The following SLIT3 variants were observed in gnomAD, a reference collection of about 807,000 sequenced individuals.
SLIT3 encodes slit guidance ligand 3.
In SLIT3, 68 loss-of-function variants were observed where a neutral mutation model predicts 184.0. The ratio of observed to expected loss-of-function variants is 0.37; its 90% CI spans 0.30 to 0.45. The LOEUF is 0.45. SLIT3 is among the 20% of genes least tolerant of loss of function. SLIT3 has a pLI of 1.00. For synonymous variants in SLIT3, 831 were observed against 828.6 expected, an observed-to-expected ratio of 1.00 and a Z score of -0.05; for missense variants, 1,707 against 2,026.0, an observed-to-expected ratio of 0.84 and a Z score of 3.02.
intron 5 of SLIT3, among the ~76,000 whole-genome samples, chr5:168,857,008 G>T (rs1008065859): frequency 5.3e-5 from 8 of 151,958 alleles, no homozygotes; most frequent in African/African-American, 1.9e-4. Flanking sequence ...AAAATGGTGA[G>T]TAGTTTTCCT....
At chr5:169,225,687 T>C (rs1764781963) in intron 3 of SLIT3, among the ~76,000 whole-genome samples, 1 of 151,884 alleles carries the variant, frequency 6.6e-6, no homozygotes, top group Non-Finnish European at 1.5e-5. Flanking sequence ...GAAAAATGAA[T>C]GGCAGTTGCC....
In SLIT3 at chr5:169,277,227, C is replaced by CT. The variant is rs1766839582; in HGVS notation, c.197+23285dup. ...GCATAATCTCTCTTTTCTTTTCTTT[C>CT]TTTTTTCTTTTCTTCTTTTTTGAGA... On this transcript the variant is annotated intron_variant, in intron 1 of 35. Transcript: ENST00000519560. Among the ~76,000 whole-genome samples the CT allele has an allele frequency of 2.0e-5, 3 of 151,958 alleles. No homozygotes were observed. The South Asian group carries it at 6.2e-4, about 32-fold the overall frequency.
At chr5:168,720,826 C>T (rs1762920339) in intron 23 of SLIT3, 1 of 152,206 alleles carries the variant, frequency 6.6e-6, no homozygotes, top group Admixed American at 6.5e-5. Flanking sequence ...GGAGTTGTCA[C>T]TGACACCGGT....
chr5:168,807,863 G>A (rs899396488), intron 8 of SLIT3, among the ~76,000 whole-genome samples: 12 of 152,262 alleles, frequency 7.9e-5, no homozygotes, highest in African/African-American at 2.2e-4. Flanking sequence ...CCGTTTGGAC[G>A]CGGACGCTTC....
At chr5:169,032,922 ATTTTT>A (rs199911562) in intron 4 of SLIT3, among the ~76,000 whole-genome samples, 163 of 88,126 alleles carry the variant, frequency 1.8e-3, no homozygotes, top group African/African-American at 6.2e-3. Flanking sequence ...TTTTTCCTTG[ATTTTT>A]TTTTTTTTTT....
rs1192375471 is a variant in SLIT3, at chr5:168,823,291, T to C, written c.598A>G (p.Ser200Gly). Reference sequence around the variant, plus strand: ...CGGATCTTCGGCATGTGGTTGAAGCTGGTGACCAGGATGCGACTGATGTTG... The same window carrying C: ...CGGATCTTCGGCATGTGGTTGAAGCCGGTGACCAGGATGCGACTGATGTTG... ...NNNISRILVT[S>G]FNHMPKIRTL... Residue 200 changes from serine (S) to glycine (G), a missense_variant, in exon 7 of 36, where the codon AGC becomes GGC. Physicochemically the swap from Ser to Gly is moderately conservative, Grantham distance 56. Transcript: ENST00000519560. 3.7e-6 allele frequency: 6 copies of C among 1,613,994 alleles called. No individual in the cohort carries two copies. Among genetic ancestry groups the C allele is most frequent in the Non-Finnish European group, 4.2e-6 (5 of 1,179,962 alleles).
At chr5:168,898,057 C>T (rs1188415009) in intron 4 of SLIT3, among the ~76,000 whole-genome samples, 1 of 152,200 alleles carries the variant, frequency 6.6e-6, no homozygotes, top group Non-Finnish European at 1.5e-5. Flanking sequence ...TGGTTTCAAA[C>T]TTTTTACATT....
rs79152714 is a variant in SLIT3 at position 168,786,665 on chromosome 5, C to A, written c.1080-687G>T. Among the ~76,000 whole-genome samples, 1,085 of 152,282 alleles carry A rather than the reference C, an allele frequency of 7.1e-3. 14 individuals are homozygous for A. Among genetic ancestry groups the A allele is most frequent in the African/African-American group, 0.024 (1,000 of 41,546 alleles). Reference sequence around the variant, plus strand: ...CCTCCAGTGACCCTCATACTGGTGTCTCTGATTCATGGGCCTCATCTTTGG... The same window carrying A: ...CCTCCAGTGACCCTCATACTGGTGTATCTGATTCATGGGCCTCATCTTTGG... On this transcript the variant is annotated intron_variant, in intron 11 of 35. Coordinates refer to ENST00000519560, the MANE Select transcript of SLIT3 (RefSeq NM_003062.4).
chr5:168,684,609 A>G (rs796540143), intron 31 of SLIT3, among the ~76,000 whole-genome samples: 36 of 152,094 alleles, frequency 2.4e-4, no homozygotes, highest in African/African-American at 8.0e-4. Flanking sequence ...AGCTGGGACT[A>G]CGGGTGCTTA....
chr5:168,708,162 T>C (rs765954713), intron 25 of SLIT3, 62 bp from the exon 26 acceptor site: 2 of 1,611,754 alleles, frequency 1.2e-6, no homozygotes, highest in Admixed American at 3.3e-5. Flanking sequence ...CATACCTCCC[T>C]TCCCCTCTGC....
At chr5:169,183,698 G>C (rs1763242706) in intron 4 of SLIT3, among the ~76,000 whole-genome samples, 1 of 152,122 alleles carries the variant, frequency 6.6e-6, no homozygotes, top group South Asian at 2.1e-4. Context: ...AATCACTTAA[G>C]CCACCCTTCC....
intron 4 of SLIT3, among the ~76,000 whole-genome samples, chr5:169,108,085 C>T (rs1352748099): frequency 6.6e-6 from 1 of 152,230 alleles, no homozygotes; most frequent in Non-Finnish European, 1.5e-5. Context: ...AAAGTAGGAG[C>T]CCTGCTTGTT....
chr5:169,045,315 C>T (rs778869306), intron 4 of SLIT3, among the ~76,000 whole-genome samples: 9 of 152,056 alleles, frequency 5.9e-5, no homozygotes, highest in African/African-American at 9.6e-5. Flanking sequence ...CCTCACTGCC[C>T]GGGCTTTCCC....
At chr5:169,181,188 G>A (rs1763138680) in intron 4 of SLIT3, among the ~76,000 whole-genome samples, 1 of 152,216 alleles carries the variant, frequency 6.6e-6, no homozygotes, top group African/African-American at 2.4e-5. Flanking sequence ...AATAGTCAAT[G>A]TCTTGCACTA....
Position 168,894,383 on chromosome 5 carries a change from C to A in SLIT3, c.414-11047G>T, listed in dbSNP as rs1452739760. Among the ~76,000 whole-genome samples the A allele has an allele frequency of 2.0e-5, 3 of 152,206 alleles. No homozygotes were observed. The South Asian group carries it at 6.2e-4, about 32-fold the overall frequency. ...TAAGTGGATAAAAAAAATAAGTGAA[C>A]ATGATTTTATGCCATTGCTTGGTCC... On this transcript the variant is annotated intron_variant, in intron 4 of 35. Transcript: ENST00000519560.
chr5:169,053,934 T>C (rs934753298), intron 4 of SLIT3, among the ~76,000 whole-genome samples: 3 of 151,634 alleles, frequency 2.0e-5, no homozygotes, highest in Non-Finnish European at 4.4e-5. Flanking sequence ...CTAAAAAAAA[T>C]ACAAAAGTTA....
chr5:168,828,658 C>CAAGAAAAAAAAAAAAA (rs1757777572), intron 6 of SLIT3, among the ~76,000 whole-genome samples: 1 of 97,128 alleles, frequency 1.0e-5, no homozygotes, highest in Non-Finnish European at 2.0e-5. Context: ...GATCCTGACT[C>CAAGAAAAAAAAAAAAA]AAAAAAAAAA....
intron 4 of SLIT3, among the ~76,000 whole-genome samples, chr5:169,192,087 A>AATGGGCAT (rs946715397): frequency 2.6e-5 from 4 of 152,190 alleles, no homozygotes; most frequent in Admixed American, 1.3e-4. Context: ...GGATGTTACA[A>AATGGGCAT]ACCAGGGTGT....
At chr5:168,940,773 T>C (rs1467543340) in intron 4 of SLIT3, among the ~76,000 whole-genome samples, 1 of 151,798 alleles carries the variant, frequency 6.6e-6, no homozygotes, top group African/African-American at 2.4e-5. Context: ...AGTGTTGTCA[T>C]GAGATGTATA....
Sources: gnomAD v4.1 joint callset for allele counts (sites outside exome capture counted in the v4.1 genomes callset) on GRCh38, gnomAD v4.1.1 for gene constraint, MANE v1.5 for transcripts, NCBI Gene and HGNC (gene_info 2026-07-23, HGNC 2026-07-21) for gene names.